CCDC7: variants seen among roughly 807,000 people sequenced by gnomAD.
CCDC7 encodes coiled-coil domain containing 7.
CCDC7 carries 183 observed loss-of-function variants against 196.9 expected under a neutral mutation model. The observed-to-expected ratio is 0.93, with a 90% CI of 0.82 to 1.05. CCDC7 has a LOEUF of 1.05. CCDC7 is among the 50% of genes least tolerant of loss of function. The probability of loss-of-function intolerance (pLI) is 0.00; values close to 1 mark genes in which losing one functional copy is unlikely to be tolerated. For missense variants in CCDC7, 1,540 were observed against 1,482.2 expected (o/e 1.04, Z -0.64); for synonymous variants, 525 against 484.6 (o/e 1.08, Z -1.10).
intron 18 of CCDC7, among the ~76,000 whole-genome samples, chr10:32,620,741 T>C (rs1564850082): frequency 6.6e-6 from 1 of 152,270 alleles, no homozygotes; most frequent in South Asian, 2.1e-4. Flanking sequence ...TTAGATACTG[T>C]TAAGTGGTTG....
At chr10:32,680,787 C>A (rs1460062525) in intron 21 of CCDC7, among the ~76,000 whole-genome samples, 1 of 152,182 alleles carries the variant, frequency 6.6e-6, no homozygotes, top group Non-Finnish European at 1.5e-5. Context: ...TCCCATCTCC[C>A]AATTCATTAC....
chr10:32,704,332 T>C (rs2079315771), intron 24 of CCDC7, among the ~76,000 whole-genome samples: 1 of 152,062 alleles, frequency 6.6e-6, no homozygotes, highest in Admixed American at 6.5e-5. Context: ...TGGATATTGG[T>C]GATCAGCGAA....
At chr10:32,584,897 T>G (rs1386677726) in intron 18 of CCDC7, among the ~76,000 whole-genome samples, 1 of 152,058 alleles carries the variant, frequency 6.6e-6, no homozygotes, top group Non-Finnish European at 1.5e-5. Context: ...ATTCTTAATA[T>G]GACACCCGAA....
intron 28 of CCDC7, among the ~76,000 whole-genome samples, chr10:32,737,842 A>G (rs1332094496): frequency 6.6e-6 from 1 of 152,108 alleles, no homozygotes; most frequent in Non-Finnish European, 1.5e-5. Context: ...TAGTTTCTCC[A>G]GCTTTGCTTT....
At chr10:32,489,571 A>G (rs779368495) in intron 8 of CCDC7, among the ~76,000 whole-genome samples, 9 of 152,228 alleles carry the variant, frequency 5.9e-5, no homozygotes, top group Non-Finnish European at 1.0e-4. Context: ...TGCATGGTGC[A>G]GCCTTAGAGA....
intron 25 of CCDC7, among the ~76,000 whole-genome samples, chr10:32,725,002 A>C (rs1012892121): frequency 2.0e-5 from 3 of 152,026 alleles, no homozygotes; most frequent in African/African-American, 7.2e-5. Context: ...ACTTGAACCC[A>C]TACTCCTTAG....
At chr10:32,658,984 C>T (rs560172686) in intron 20 of CCDC7, among the ~76,000 whole-genome samples, 3 of 151,288 alleles carry the variant, frequency 2.0e-5, no homozygotes, top group Non-Finnish European at 4.4e-5. Context: ...AAAGAATAAG[C>T]TCTTAGTTTT....
At chr10:32,836,945 A>G (rs1028846030) in intron 33 of CCDC7, among the ~76,000 whole-genome samples, 1 of 152,190 alleles carries the variant, frequency 6.6e-6, no homozygotes, top group Non-Finnish European at 1.5e-5. Context: ...AAAGACTTAC[A>G]TGGTAGACCT....
intron 18 of CCDC7, among the ~76,000 whole-genome samples, chr10:32,589,464 T>G (rs2059586530): frequency 6.6e-6 from 1 of 152,186 alleles, no homozygotes; most frequent in East Asian, 1.9e-4. Flanking sequence ...CTAAGACTTG[T>G]TTTGTGGCCT....
At chr10:32,511,848 G>C in intron 9 of CCDC7, 1 of 699,388 alleles carries the variant, frequency 1.4e-6, no homozygotes, top group East Asian at 2.7e-5. Context: ...GCTTTCCGAT[G>C]ATCTCACCAA....
intron 9 of CCDC7, among the ~76,000 whole-genome samples, chr10:32,498,608 T>A (rs1397110385): frequency 6.6e-6 from 1 of 152,178 alleles, no homozygotes; most frequent in Non-Finnish European, 1.5e-5. Context: ...CATTTGCTTG[T>A]CTGTAAAGTA....
intron 25 of CCDC7, among the ~76,000 whole-genome samples, chr10:32,722,075 T>A (rs748689479): frequency 6.6e-6 from 1 of 152,124 alleles, no homozygotes; most frequent in African/African-American, 2.4e-5. Flanking sequence ...GAAAACTGGC[T>A]TTATTAAGCT....
intron 20 of CCDC7, among the ~76,000 whole-genome samples, chr10:32,640,602 C>A (rs1263228577): frequency 1.3e-5 from 2 of 152,118 alleles, no homozygotes; most frequent in Admixed American, 6.5e-5. Flanking sequence ...TCTTCCTAGC[C>A]TCTATGGTCT....
chr10:32,837,869 G>A (rs1315067762), intron 33 of CCDC7, among the ~76,000 whole-genome samples: 1 of 140,986 alleles, frequency 7.1e-6, no homozygotes, highest in Non-Finnish European at 1.5e-5. Context: ...GGTGGGAATT[G>A]AACAATGAGA....
intron 9 of CCDC7, among the ~76,000 whole-genome samples, chr10:32,500,166 C>G (rs1454450092): frequency 6.6e-6 from 1 of 152,190 alleles, no homozygotes; most frequent in Non-Finnish European, 1.5e-5. Flanking sequence ...CCCCACTTCC[C>G]AGACGGGGCG....
chr10:32,794,041 G>A (rs1253855318), intron 29 of CCDC7, among the ~76,000 whole-genome samples: 1 of 152,156 alleles, frequency 6.6e-6, no homozygotes, highest in Admixed American at 6.5e-5. Context: ...AAGGCTTGGT[G>A]TATGAAAGAT....
intron 9 of CCDC7, chr10:32,512,425 C>T (rs2046358520): frequency 6.6e-6 from 1 of 152,156 alleles, no homozygotes; most frequent in Non-Finnish European, 1.5e-5. Flanking sequence ...CACCTTATGT[C>T]AGAATTGGAA....
At chr10:32,511,592 A>G in intron 9 of CCDC7, 8 of 1,604,050 alleles carry the variant, frequency 5.0e-6, no homozygotes, top group East Asian at 2.2e-5. Context: ...TGCTTGTTCA[A>G]GTGGATCCAA....
At chr10:32,681,650 G>A (rs963496686) in intron 21 of CCDC7, among the ~76,000 whole-genome samples, 3 of 151,796 alleles carry the variant, frequency 2.0e-5, no homozygotes, top group Non-Finnish European at 2.9e-5. Flanking sequence ...GCCAGGTAGT[G>A]CCTTTGTAAC....
Sources: allele counts gnomAD v4.1 joint callset (sites outside exome capture counted in the v4.1 genomes callset), GRCh38; gene constraint gnomAD v4.1.1; transcripts MANE v1.5; gene names NCBI Gene and HGNC (gene_info 2026-07-23, HGNC 2026-07-21).